The following ASTN1 variants were observed in gnomAD, a reference collection of about 807,000 sequenced individuals.
The protein encoded by ASTN1 is astrotactin 1.
ASTN1 carries 41 observed loss-of-function variants against 140.7 expected under a neutral mutation model. The ratio of observed to expected loss-of-function variants is 0.29; its 90% CI spans 0.23 to 0.38. The LOEUF is 0.38. ASTN1 is among the 10% of genes least tolerant of loss of function. The pLI is 1.00. For synonymous variants in ASTN1, 640 were observed against 652.2 expected, an observed-to-expected ratio of 0.98 and a Z score of 0.29; for missense variants, 1,479 against 1,678.8, an observed-to-expected ratio of 0.88 and a Z score of 2.08.
rs141030703 is a variant in ASTN1 at position 176,876,437 on chromosome 1, G to C, written c.3463+100C>G. Reference sequence around the variant, plus strand: ...AATTCTCCTTCCCTGCTGAACTCCAGGTTGTTCTATTCAACTCTCTTGGTC... The same window carrying C: ...AATTCTCCTTCCCTGCTGAACTCCACGTTGTTCTATTCAACTCTCTTGGTC... On this transcript the variant is annotated intron_variant, in intron 21 of 22. Transcript: ENST00000361833. The C allele has an allele frequency of 7.2e-6, 9 of 1,249,092 alleles. 1 individual carries two copies. Among genetic ancestry groups the C allele is most frequent in the Middle Eastern group, 3.8e-4 (2 of 5,280 alleles). 77.4% of individuals were successfully genotyped at this position (1,249,092 alleles called of 1,614,324 possible).
At position 177,061,162 on chromosome 1, in the gene ASTN1, TG is replaced by T; in HGVS notation, c.386del (p.Pro129GlnfsTer21). On this transcript the variant is annotated frameshift_variant, in exon 2 of 23. Transcript: ENST00000361833. LOFTEE classifies it high-confidence loss of function. ...LFHIHHQDGA[P>X]SLPGQDPTEE... ...CAGTGGGGTCTTGTCCAGGAAGGCT[TG>T]GGGCACCATCTTGGTGATGAATGTG... 1 of 1,611,792 alleles carries T rather than the reference TG, an allele frequency of 6.2e-7. No homozygotes were observed. The highest frequency in any genetic ancestry group is 8.5e-7 in the Non-Finnish European group (1 of 1,179,062).
intron 1 of ASTN1, among the ~76,000 whole-genome samples, chr1:177,141,368 C>T (rs1006222047): frequency 6.6e-6 from 1 of 152,132 alleles, no homozygotes; most frequent in African/African-American, 2.4e-5. Flanking sequence ...AGGATTCATG[C>T]TTCCATATAT....
At chr1:176,959,942 G>T (rs1160350104) in intron 9 of ASTN1, among the ~76,000 whole-genome samples, 1 of 152,146 alleles carries the variant, frequency 6.6e-6, no homozygotes, top group East Asian at 1.9e-4. Context: ...AGGAAAGCTT[G>T]TTACTTAGGG....
chr1:176,888,040 G>A, intron 18 of ASTN1, 31 bp downstream of exon 18: 1 of 1,613,356 alleles, frequency 6.2e-7, no homozygotes. Flanking sequence ...TGTTTCCAGA[G>A]TAATGCTGAA....
intron 1 of ASTN1, among the ~76,000 whole-genome samples, chr1:177,114,568 A>G (rs546523936): frequency 6.6e-6 from 1 of 152,312 alleles, no homozygotes; most frequent in Non-Finnish European, 1.5e-5. Flanking sequence ...CAACAGCACA[A>G]TATTACAACC....
intron 16 of ASTN1, among the ~76,000 whole-genome samples, chr1:176,919,142 T>G (rs1670625442): frequency 6.6e-6 from 1 of 152,192 alleles, no homozygotes; most frequent in Admixed American, 6.5e-5. Flanking sequence ...ATATTCTGTC[T>G]CCTTCACACC....
At chr1:176,923,280 T>C (rs780779054) in intron 16 of ASTN1, among the ~76,000 whole-genome samples, 13 of 152,210 alleles carry the variant, frequency 8.5e-5, no homozygotes, top group Non-Finnish European at 1.6e-4. Context: ...ACATTAGAAC[T>C]AGAAGAAACT....
At position 177,142,560 on chromosome 1, in the gene ASTN1, A is replaced by G. The variant is rs571314297; in HGVS notation, c.283+21834T>C. The stretch of plus-strand genomic sequence containing the variant: ...AAAATACAGAAGACTGTCAAGTAGT[A>G]GCTTCCAATCAAATGGTTCTTTATA... On this transcript the variant is annotated intron_variant, in intron 1 of 22. Transcript: ENST00000361833. Among the ~76,000 whole-genome samples the G allele has an allele frequency of 4.6e-5, 7 of 152,300 alleles. No homozygotes were observed. In the South Asian group the frequency reaches 1.4e-3, roughly 32 times the overall value.
At chr1:177,027,863 T>C (rs548043023) in intron 5 of ASTN1, among the ~76,000 whole-genome samples, 6 of 151,908 alleles carry the variant, frequency 3.9e-5, no homozygotes, top group Admixed American at 2.0e-4. Flanking sequence ...CTCTTCTGAG[T>C]ACTCTCTTCA....
At chr1:177,069,980 T>C (rs6661459) in intron 1 of ASTN1, among the ~76,000 whole-genome samples, 20,210 of 152,240 alleles carry the variant, frequency 0.13, 1,742 homozygotes, top group African/African-American at 0.24. Context: ...CCCGACTGAC[T>C]TTTGTAAATT....
Position 176,861,284 on chromosome 1 carries a change from C to A in ASTN1, c.*3000G>T, listed in dbSNP as rs1667950514. 2.0e-6 allele frequency: 2 copies of A among 985,436 alleles called. No homozygotes were observed. The highest frequency in any genetic ancestry group is 2.4e-6 in the Non-Finnish European group (2 of 829,708). 61.0% of individuals were successfully genotyped at this position (985,436 alleles called of 1,614,324 possible). On this transcript the variant is annotated 3_prime_UTR_variant, in exon 23 of 23. Transcript: ENST00000361833. ...GTTAACTAAAAAATAATGAACGGAC[C>A]AAACTCCATGGAAAACGATTGCACA...
intron 1 of ASTN1, among the ~76,000 whole-genome samples, chr1:177,137,994 CA>C (rs1480437493): frequency 6.6e-6 from 1 of 152,040 alleles, no homozygotes; most frequent in Non-Finnish European, 1.5e-5. Flanking sequence ...GTACCAAGGG[CA>C]GGAAATACGG....
chr1:177,005,032 C>T (rs1027466669), intron 8 of ASTN1, among the ~76,000 whole-genome samples: 1 of 152,094 alleles, frequency 6.6e-6, no homozygotes, highest in African/African-American at 2.4e-5. Context: ...CATCTTATTT[C>T]ATAATCAAGA....
chr1:176,906,147 T>C (rs770346241), intron 16 of ASTN1, among the ~76,000 whole-genome samples: 4 of 152,200 alleles, frequency 2.6e-5, no homozygotes, highest in Non-Finnish European at 5.9e-5. Context: ...GTGAGGATTG[T>C]AGGGCATCTG....
intron 16 of ASTN1, among the ~76,000 whole-genome samples, chr1:176,913,770 C>A (rs1670356750): frequency 6.6e-6 from 1 of 152,180 alleles, no homozygotes; most frequent in African/African-American, 2.4e-5. Context: ...TGTGGAGAAG[C>A]ATCATGATTG....
intron 16 of ASTN1, among the ~76,000 whole-genome samples, chr1:176,926,263 T>C (rs1670966715): frequency 7.1e-6 from 1 of 140,932 alleles, no homozygotes; most frequent in African/African-American, 2.7e-5. Flanking sequence ...AAAGGCGATA[T>C]AACATGCTTA....
chr1:177,113,766 C>T (rs1240000974), intron 1 of ASTN1, among the ~76,000 whole-genome samples: 1 of 152,166 alleles, frequency 6.6e-6, no homozygotes, highest in Non-Finnish European at 1.5e-5. Context: ...GTTACATGCC[C>T]TGCACAAACA....
intron 1 of ASTN1, among the ~76,000 whole-genome samples, chr1:177,127,734 G>C (rs1223576001): frequency 6.6e-6 from 1 of 152,172 alleles, no homozygotes; most frequent in Non-Finnish European, 1.5e-5. Context: ...TGACATATTT[G>C]GCCCACAGTG....
At chr1:177,070,268 A>G (rs887791611) in intron 1 of ASTN1, among the ~76,000 whole-genome samples, 1 of 152,226 alleles carries the variant, frequency 6.6e-6, no homozygotes, top group Non-Finnish European at 1.5e-5. Context: ...AGAAAACTGT[A>G]TACTAGACCC....
Sources: allele counts gnomAD v4.1 joint callset (sites outside exome capture counted in the v4.1 genomes callset), GRCh38; gene constraint gnomAD v4.1.1; transcripts MANE v1.5; gene names NCBI Gene and HGNC (gene_info 2026-07-23, HGNC 2026-07-21).